The following SCARB2 variants were observed in gnomAD, a reference collection of about 807,000 sequenced individuals.
The protein encoded by SCARB2 is lysosome membrane protein 2.
Under a neutral mutation model 58.6 loss-of-function variants are expected in SCARB2, and 29 were observed. The ratio of observed to expected loss-of-function variants is 0.49; its 90% confidence interval spans 0.37 to 0.67. The LOEUF (loss-of-function observed/expected upper bound fraction) is 0.67. Ranked by LOEUF, SCARB2 falls within the 30% of genes least tolerant of loss-of-function variation. The pLI, the probability that SCARB2 is intolerant of heterozygous loss-of-function variation, is 0.00. For missense variants in SCARB2, 488 were observed against 578.5 expected (o/e 0.84, Z 1.60); for synonymous variants, 195 against 210.1 (o/e 0.93, Z 0.62).
intron 1 of SCARB2, among the ~76,000 whole-genome samples, chr4:76,209,101 C>G (rs59080044): frequency 6.6e-6 from 1 of 152,114 alleles, no homozygotes; most frequent in Non-Finnish European, 1.5e-5. Flanking sequence ...TTTCCTTGAC[C>G]GTAAGATAAC....
At chr4:76,172,015 T>TATAC (rs1560706792) in intron 7 of SCARB2, among the ~76,000 whole-genome samples, 3 of 149,402 alleles carry the variant, frequency 2.0e-5, no homozygotes, top group African/African-American at 7.4e-5. Context: ...TATATATATA[T>TATAC]ACTATATACA....
intron 5 of SCARB2, 194 bp downstream of exon 5, chr4:76,176,243 A>C: frequency 1.6e-6 from 1 of 611,700 alleles, no homozygotes; most frequent in East Asian, 2.8e-5. Flanking sequence ...ATAAATCTAC[A>C]AATCACTAAT....
At chr4:76,213,862 GC>G (rs1240289109), upstream of SCARB2, 8 of 190,900 alleles carry the variant, frequency 4.2e-5, no homozygotes, top group Non-Finnish European at 8.4e-5. Context: ...CGCGGGCCGG[GC>G]TCGCCGCAAC....
chr4:76,234,477 G>A (rs982954352), exon 1 of SCARB2: 1 of 152,222 alleles, frequency 6.6e-6, no homozygotes, highest in Non-Finnish European at 1.5e-5. Flanking sequence ...AGGGACTCTT[G>A]CTAGGCCAGA....
chr4:76,173,594 T>A, intron 7 of SCARB2: 1 of 157,744 alleles, frequency 6.3e-6, no homozygotes, highest in Non-Finnish European at 1.4e-5. Context: ...CATCTCGGCC[T>A]CTCAAAGTGC....
chr4:76,210,545 G>C (rs1733023667), intron 1 of SCARB2, among the ~76,000 whole-genome samples: 1 of 152,200 alleles, frequency 6.6e-6, no homozygotes, highest in Non-Finnish European at 1.5e-5. Flanking sequence ...CTTCATGAAG[G>C]CCCAAACGCT....
intron 10 of SCARB2, chr4:76,164,567 AGAGGTTGCC>A (rs992519180): frequency 3.9e-5 from 6 of 151,990 alleles, no homozygotes; most frequent in African/African-American, 1.5e-4. Context: ...CCCAGGAGGC[AGAGGTTGCC>A]GTGAGCTGAG....
chr4:76,160,891 T>C lies in SCARB2; in HGVS notation c.*822A>G, dbSNP rs908732388. 25 of 152,212 alleles carry C rather than the reference T, an allele frequency of 1.6e-4. No homozygotes were observed. The highest frequency in any genetic ancestry group is 5.8e-4 in the African/African-American group (24 of 41,440). 9.4% of individuals were successfully genotyped at this position (152,212 alleles called of 1,614,324 possible). A position where few individuals can be genotyped will look rare whatever the true frequency, so the allele number is the denominator to read the frequency against. ...ATTACATTCTCTCAGAAGCATCTTT[T>C]CGTAGCATGATCATTTTGACTAAAA... On this transcript the variant is annotated 3_prime_UTR_variant, in exon 12 of 12. Coordinates refer to ENST00000264896, the MANE Select transcript of SCARB2 (RefSeq NM_005506.4).
intron 3 of SCARB2, 144 bp downstream of exon 3, chr4:76,180,810 A>G: frequency 1.7e-6 from 1 of 587,184 alleles, no homozygotes. Flanking sequence ...TACTTTAAAG[A>G]AAAGAAAAGA....
chr4:76,177,344 A>G (rs1286349072), intron 4 of SCARB2, among the ~76,000 whole-genome samples: 1 of 152,116 alleles, frequency 6.6e-6, no homozygotes. Flanking sequence ...GCAATTAAAA[A>G]AAAAAAAAAG....
At position 76,205,966 on chromosome 4, in the gene SCARB2, CTGAA is replaced by C. The variant is rs34858697; in HGVS notation, c.117+7457_117+7460del. Reference sequence around the variant, plus strand: ...CGCAAAGGACGGTGGGTGCTGTGGTCTGAATGTTTATGTCCCCTCAAAACTCCTT... The same window carrying C: ...CGCAAAGGACGGTGGGTGCTGTGGTCTGTTTATGTCCCCTCAAAACTCCTT... On this transcript the variant is annotated intron_variant, in intron 1 of 11. Coordinates refer to ENST00000264896, the MANE Select transcript of SCARB2 (RefSeq NM_005506.4). 8.7e-3 allele frequency among the ~76,000 whole-genome samples: 1,320 copies of C among 152,230 alleles called. 19 individuals are homozygous for C. Among genetic ancestry groups the C allele is most frequent in the African/African-American group, 0.03 (1,244 of 41,524 alleles).
chr4:76,167,659 TTCCC>T (rs1348874514), intron 9 of SCARB2, among the ~76,000 whole-genome samples: 2 of 127,712 alleles, frequency 1.6e-5, no homozygotes, highest in Non-Finnish European at 3.3e-5. Context: ...TTCCTTTCCT[TTCCC>T]TCCCTCCCTC....
intron 2 of SCARB2, chr4:76,184,720 T>C (rs1038276430): frequency 6.4e-6 from 2 of 310,138 alleles, no homozygotes; most frequent in Non-Finnish European, 1.3e-5. Flanking sequence ...AGTTTGACGT[T>C]ACAGTGAGCT....
Position 76,174,258 on chromosome 4 carries a change from G to T in SCARB2, c.880C>A (p.Arg294=). ...YESVQGLPAF[R]YKVPAEILAN... ...AATATTTCTGCAGGAACTTTATACC[G>T]AAAGGCAGGCAGTCCCTGTACACTC... Residue 294 remains arginine (R), a synonymous_variant, in exon 7 of 12, where the codon CGG becomes AGG. Transcript: ENST00000264896. 6.2e-7 allele frequency: 1 copy of T among 1,614,122 alleles called. No homozygotes were observed. Among genetic ancestry groups the T allele is most frequent in the Non-Finnish European group, 8.5e-7 (1 of 1,179,990 alleles).
intron 1 of SCARB2, among the ~76,000 whole-genome samples, chr4:76,222,250 C>T (rs1017379508): frequency 2.7e-5 from 4 of 150,256 alleles, no homozygotes; most frequent in East Asian, 1.9e-4. Flanking sequence ...TTTCTGAGAC[C>T]GAGTCTCACT....
chr4:76,186,829 A>AT (rs894145644), intron 2 of SCARB2, among the ~76,000 whole-genome samples: 53 of 149,930 alleles, frequency 3.5e-4, no homozygotes, highest in African/African-American at 6.4e-4. Context: ...CAGTTTAAGG[A>AT]TTTTTTTTTT....
At chr4:76,190,894 A>G (rs1732591237) in intron 2 of SCARB2, among the ~76,000 whole-genome samples, 1 of 152,236 alleles carries the variant, frequency 6.6e-6, no homozygotes, top group South Asian at 2.1e-4. Context: ...CACATTCAAA[A>G]TGTGGCTAGT....
chr4:76,216,876 G>A (rs1733217571), upstream of SCARB2, among the ~76,000 whole-genome samples: 1 of 152,194 alleles, frequency 6.6e-6, no homozygotes, highest in Non-Finnish European at 1.5e-5. Flanking sequence ...AGAAAATAAT[G>A]TATGTTCCCA....
chr4:76,189,518 G>A (rs1014624623), intron 2 of SCARB2, among the ~76,000 whole-genome samples: 8 of 151,870 alleles, frequency 5.3e-5, no homozygotes, highest in East Asian at 1.9e-4. Context: ...AGTCTTGCTC[G>A]GTCGCCCAGG....
Sources: gnomAD v4.1 joint callset for allele counts (sites outside exome capture counted in the v4.1 genomes callset) on GRCh38, gnomAD v4.1.1 for gene constraint, MANE v1.5 for transcripts, NCBI Gene and HGNC (gene_info 2026-07-23, HGNC 2026-07-21) for gene names.